The following DNAH7 variants were observed in gnomAD, a reference collection of about 807,000 sequenced individuals.
DNAH7 encodes the protein dynein axonemal heavy chain 7, also known as axonemal beta dynein heavy chain 7.
A neutral mutation model predicts 444.6 loss-of-function variants in DNAH7; 397 were observed. The ratio of observed to expected loss-of-function variants is 0.89; its 90% CI spans 0.82 to 0.97. The LOEUF is 0.97. DNAH7 is among the 50% of genes least tolerant of loss of function. DNAH7 has a pLI of 0.00. For missense variants in DNAH7, 4,902 were observed against 4,800.8 expected (o/e 1.02, Z -0.62); for synonymous variants, 1,636 against 1,624.4 (o/e 1.01, Z -0.17).
At chr2:196,054,440 T>G (rs1697675288) in intron 2 of DNAH7, among the ~76,000 whole-genome samples, 1 of 152,086 alleles carries the variant, frequency 6.6e-6, no homozygotes, top group African/African-American at 2.4e-5. Flanking sequence ...GAGGATTGCT[T>G]GAGCACAGGA....
intron 48 of DNAH7, among the ~76,000 whole-genome samples, chr2:195,833,625 C>T (rs1348510913): frequency 2.0e-5 from 3 of 152,074 alleles, no homozygotes; most frequent in Non-Finnish European, 4.4e-5. Flanking sequence ...TTCTGTTTTT[C>T]GTTTTGATAA....
chr2:195,952,588 T>A (rs1690340970), intron 19 of DNAH7, among the ~76,000 whole-genome samples: 1 of 152,204 alleles, frequency 6.6e-6, no homozygotes, highest in African/African-American at 2.4e-5. Context: ...GGTTTGGTCT[T>A]TTCACATAGT....
intron 19 of DNAH7, among the ~76,000 whole-genome samples, chr2:195,943,440 C>T (rs1689599243): frequency 6.6e-6 from 1 of 152,098 alleles, no homozygotes; most frequent in Non-Finnish European, 1.5e-5. Context: ...CAATGAATGA[C>T]AGTATTGGCA....
chr2:195,979,980 A>C (rs2125604387), intron 15 of DNAH7, among the ~76,000 whole-genome samples: 1 of 151,602 alleles, frequency 6.6e-6, no homozygotes, highest in Non-Finnish European at 1.5e-5. Flanking sequence ...ATCCATAATA[A>C]AAAGTGTCCC....
chr2:195,786,197 C>G (rs181281287), intron 58 of DNAH7, among the ~76,000 whole-genome samples: 1 of 152,268 alleles, frequency 6.6e-6, no homozygotes, highest in East Asian at 1.9e-4. Flanking sequence ...TGTTTGTAAG[C>G]CTCTTTAAAA....
intron 20 of DNAH7, 80 bp from the exon 21 acceptor site, chr2:195,934,869 A>G: frequency 6.8e-7 from 1 of 1,467,420 alleles, no homozygotes; most frequent in Non-Finnish European, 9.3e-7. Context: ...TTTAAAGTTC[A>G]TAAATGCTAG....
chr2:195,909,985 AT>A (rs1687259922), intron 25 of DNAH7, 41 bp downstream of exon 25: 60 of 1,542,636 alleles, frequency 3.9e-5, no homozygotes, highest in Non-Finnish European at 5.1e-5. Context: ...ACCATCTCTG[AT>A]CAGTTATCCT....
At position 195,794,674 on chromosome 2, in the gene DNAH7, C is replaced by T. The variant is rs908275983; in HGVS notation, c.10516-136G>A. On this transcript the variant is annotated intron_variant, in intron 56 of 64. Transcript: ENST00000312428. The stretch of plus-strand genomic sequence containing the variant: ...GAAATGTAACTGCTGCAATTTTCAG[C>T]AAAAGCTTTAAAATCTGATGCTGCT... 5 of 784,608 alleles carry T rather than the reference C, an allele frequency of 6.4e-6. No individual in the cohort carries two copies. In the Admixed American group the frequency reaches 7.6e-5, roughly 12 times the overall value. The allele number at this position is 784,608 out of a possible 1,614,324, so 48.6% of individuals were successfully genotyped here. A position where few individuals can be genotyped will look rare whatever the true frequency, so the allele number is the denominator to read the frequency against.
intron 47 of DNAH7, among the ~76,000 whole-genome samples, chr2:195,840,548 A>G (rs1440934340): frequency 6.6e-6 from 1 of 151,812 alleles, no homozygotes; most frequent in Non-Finnish European, 1.5e-5. Flanking sequence ...ATTAGAAAGT[A>G]GTAAGTTAAA....
intron 10 of DNAH7, among the ~76,000 whole-genome samples, chr2:196,007,059 C>G (rs2125705973): frequency 6.6e-6 from 1 of 152,016 alleles, no homozygotes; most frequent in South Asian, 2.1e-4. Context: ...TATTAAAATC[C>G]CAATGGCATT....
At chr2:195,775,668 C>A (rs149054034) in intron 60 of DNAH7, among the ~76,000 whole-genome samples, 178 bp downstream of exon 60, 5 of 149,790 alleles carry the variant, frequency 3.3e-5, no homozygotes, top group Non-Finnish European at 1.5e-5. Flanking sequence ...AAAAAACACA[C>A]GTTCAGGTAC....
In DNAH7 at chr2:196,068,827, C is replaced by G. The variant is rs1051370528; in HGVS notation, c.-116G>C. On this transcript the variant is annotated 5_prime_UTR_variant, in exon 1 of 65. Transcript: ENST00000312428. ...GCAGCGGTCTCAGCTCCCTCCGCAC[C>G]AGAGCCGTCTAGCGTCCGGGCAGCG... The G allele has an allele frequency of 1.5e-6, 2 of 1,353,766 alleles. No individual in the cohort carries two copies. The highest frequency in any genetic ancestry group is 2.3e-5 in the Admixed American group (1 of 43,156). 83.9% of individuals were successfully genotyped at this position (1,353,766 alleles called of 1,614,324 possible).
At chr2:195,806,637 T>G (rs1414305570) in intron 54 of DNAH7, 103 bp downstream of exon 54, 2 of 848,432 alleles carry the variant, frequency 2.4e-6, no homozygotes, top group African/African-American at 3.5e-5. Flanking sequence ...TCCCGCAGGC[T>G]CCTCTACCTC....
In DNAH7 at chr2:195,754,291, G is replaced by A. The variant is rs372225448; in HGVS notation, c.11764+46C>T. The A allele has an allele frequency of 2.0e-5, 31 of 1,532,562 alleles. No individual in the cohort carries two copies. The African/African-American group carries it at 3.7e-4, about 18-fold the overall frequency. The allele number at this position is 1,532,562 out of a possible 1,614,324, so 94.9% of individuals were successfully genotyped here. Reference sequence around the variant, plus strand: ...AAGTATGCTAGAATGTCATGTTTTTGTTCAGTGCCCAGATATGAGCCGACT... The same window carrying A: ...AAGTATGCTAGAATGTCATGTTTTTATTCAGTGCCCAGATATGAGCCGACT... On this transcript the variant is annotated intron_variant, in intron 63 of 64. Transcript: ENST00000312428.
In DNAH7 at chr2:196,038,289, G is replaced by A. The variant is rs75929625; in HGVS notation, c.398+9063C>T. Among the ~76,000 whole-genome samples the A allele has an allele frequency of 2.2e-4, 33 of 152,208 alleles. No individual in the cohort carries two copies. In the East Asian group the frequency reaches 6.2e-3, roughly 28 times the overall value. On this transcript the variant is annotated intron_variant, in intron 5 of 64. Transcript: ENST00000312428. ...GACCTACATCTGGAAGCAAAAGGAT[G>A]ATATCCACCATCATGAAAACACACT...
intron 22 of DNAH7, among the ~76,000 whole-genome samples, 176 bp from the exon 23 acceptor site, chr2:195,923,983 C>T (rs1009987980): frequency 1.3e-5 from 2 of 152,062 alleles, no homozygotes; most frequent in Non-Finnish European, 2.9e-5. Flanking sequence ...GTAAACAAGA[C>T]CAATCAGGCC....
intron 35 of DNAH7, among the ~76,000 whole-genome samples, chr2:195,883,708 A>G (rs1441548487): frequency 6.6e-6 from 1 of 152,216 alleles, no homozygotes. Flanking sequence ...AAGTAAAAAT[A>G]TCTGTGTTGG....
intron 21 of DNAH7, among the ~76,000 whole-genome samples, chr2:195,927,236 G>C (rs1688392434): frequency 6.6e-6 from 1 of 152,132 alleles, no homozygotes; most frequent in Non-Finnish European, 1.5e-5. Context: ...AAACACACTA[G>C]TCTGTTACAT....
intron 28 of DNAH7, among the ~76,000 whole-genome samples, chr2:195,898,319 AG>A (rs1702454684): frequency 6.6e-6 from 1 of 152,152 alleles, no homozygotes; most frequent in Non-Finnish European, 1.5e-5. Flanking sequence ...TTTTTTAAAG[AG>A]GCCAGTGCTC....
Sources: gnomAD v4.1 joint callset for allele counts (sites outside exome capture counted in the v4.1 genomes callset) on GRCh38, gnomAD v4.1.1 for gene constraint, MANE v1.5 for transcripts, NCBI Gene and HGNC (gene_info 2026-07-23, HGNC 2026-07-21) for gene names.